Variants in TENM3 observed in about 807,000 individuals in gnomAD.
TENM3 encodes teneurin-3.
In TENM3, 63 loss-of-function variants were observed where a neutral mutation model predicts 255.1. The ratio of observed to expected loss-of-function variants is 0.25; its 90% CI spans 0.20 to 0.30. The LOEUF (loss-of-function observed/expected upper bound fraction) is 0.30, where lower values mean the gene tolerates loss of function less well. Among genes scored for constraint, TENM3 ranks in the 10% least tolerant of loss-of-function variants. The probability of loss-of-function intolerance (pLI) is 1.00; values close to 1 mark genes in which losing one functional copy is unlikely to be tolerated. For missense variants in TENM3, 2,929 were observed against 3,461.1 expected (o/e 0.85, Z 3.86); for synonymous variants, 1,306 against 1,322.3 (o/e 0.99, Z 0.27).
the TENM3 span, among the ~76,000 whole-genome samples, chr4:181,896,802 C>A: frequency 6.6e-6 from 1 of 152,226 alleles, no homozygotes; most frequent in African/African-American, 2.4e-5. Flanking sequence ...TGCCCAGATG[C>A]TCCAGCTGTT....
the TENM3 span, among the ~76,000 whole-genome samples, chr4:181,701,400 A>T: frequency 4.6e-5 from 7 of 152,248 alleles, no homozygotes; most frequent in African/African-American, 1.7e-4. Flanking sequence ...TCAGAGATAC[A>T]TCATGCATAA....
the TENM3 span, among the ~76,000 whole-genome samples, chr4:181,626,853 G>A: frequency 1.3e-5 from 2 of 152,176 alleles, no homozygotes; most frequent in African/African-American, 4.8e-5. Context: ...TTTAAAGATC[G>A]CTCTAAGTGT....
the TENM3 span, among the ~76,000 whole-genome samples, chr4:181,855,273 G>C: frequency 6.6e-6 from 1 of 152,134 alleles, no homozygotes; most frequent in Non-Finnish European, 1.5e-5. Flanking sequence ...TAATTTTATA[G>C]TTCTACTTTC....
the TENM3 span, among the ~76,000 whole-genome samples, chr4:182,009,785 G>A: frequency 9.0e-4 from 137 of 152,324 alleles, no homozygotes; most frequent in Non-Finnish European, 1.5e-3. Context: ...CAGCTGAGAG[G>A]CTGTAAAAAT....
the TENM3 span, among the ~76,000 whole-genome samples, chr4:181,733,914 CT>C: frequency 6.6e-6 from 1 of 152,118 alleles, no homozygotes; most frequent in Non-Finnish European, 1.5e-5. Flanking sequence ...TGACTCAAAT[CT>C]TTGAAAGAAA....
At chr4:181,534,301 G>A in the TENM3 span, among the ~76,000 whole-genome samples, 1 of 151,884 alleles carries the variant, frequency 6.6e-6, no homozygotes, top group Non-Finnish European at 1.5e-5. Flanking sequence ...TTCTAAATTG[G>A]TATAGAACAT....
At chr4:182,535,484 C>T (rs1343220944) in intron 3 of TENM3, among the ~76,000 whole-genome samples, 1 of 152,006 alleles carries the variant, frequency 6.6e-6, no homozygotes, top group African/African-American at 2.4e-5. Context: ...CCTGTCATCC[C>T]AGTGATTTGC....
chr4:181,562,546 G>A, the TENM3 span, among the ~76,000 whole-genome samples: 2 of 152,014 alleles, frequency 1.3e-5, no homozygotes, highest in Non-Finnish European at 1.5e-5. Context: ...TTTCCATCAT[G>A]TTGCTTCTCT....
At chr4:181,951,116 G>A in the TENM3 span, among the ~76,000 whole-genome samples, 1 of 152,142 alleles carries the variant, frequency 6.6e-6, no homozygotes, top group Non-Finnish European at 1.5e-5. Flanking sequence ...ATCTTAATTT[G>A]GATAATGTTA....
intron 1 of TENM3, among the ~76,000 whole-genome samples, chr4:182,198,059 C>A (rs950101272): frequency 6.6e-6 from 1 of 152,072 alleles, no homozygotes; most frequent in African/African-American, 2.4e-5. Flanking sequence ...GAGCCAAGAT[C>A]ACACCACTGT....
At chr4:182,771,650 T>G (rs1178992505) in intron 22 of TENM3, among the ~76,000 whole-genome samples, 1 of 152,142 alleles carries the variant, frequency 6.6e-6, no homozygotes, top group Non-Finnish European at 1.5e-5. Context: ...ACGACAGAAC[T>G]TTAGGCTGGT....
chr4:182,473,136 T>C (rs1733294507), intron 3 of TENM3, among the ~76,000 whole-genome samples: 1 of 152,210 alleles, frequency 6.6e-6, no homozygotes, highest in Non-Finnish European at 1.5e-5. Context: ...TCCTGGAATA[T>C]TTTAATATAA....
chr4:181,888,504 ATATATATATATG>A, the TENM3 span, among the ~76,000 whole-genome samples: 10 of 23,420 alleles, frequency 4.3e-4, 1 homozygote, highest in South Asian at 0.014. Context: ...GTATATATAT[ATATATATATATG>A]TATATATATA....
At position 182,612,592 on chromosome 4, in the gene TENM3, T is replaced by G. The variant is rs555719706; in HGVS notation, c.749+11431T>G. On this transcript the variant is annotated intron_variant, in intron 4 of 27. Coordinates refer to ENST00000511685, the MANE Select transcript of TENM3 (RefSeq NM_001080477.4). The stretch of plus-strand genomic sequence containing the variant: ...TGAATACCTTCTTATCTCACTGGTT[T>G]GTTTTGCATATGAGTTAAAATGCGT... Among the ~76,000 whole-genome samples, 148 of 152,346 alleles carry G rather than the reference T, an allele frequency of 9.7e-4. 1 individual carries two copies. Among genetic ancestry groups the G allele is most frequent in the African/African-American group, 3.4e-3 (143 of 41,584 alleles).
At chr4:182,336,328 A>G (rs1764134103) in intron 2 of TENM3, among the ~76,000 whole-genome samples, 1 of 149,732 alleles carries the variant, frequency 6.7e-6, no homozygotes, top group Non-Finnish European at 1.5e-5. Context: ...TAGTTTTTGA[A>G]GTTCTGGCTT....
the TENM3 span, among the ~76,000 whole-genome samples, chr4:181,533,972 T>C: frequency 6.6e-6 from 1 of 152,208 alleles, no homozygotes; most frequent in Non-Finnish European, 1.5e-5. Flanking sequence ...ATTAATGCAA[T>C]TGGATCTCAG....
chr4:182,170,553 C>T (rs958957509), intron 1 of TENM3, among the ~76,000 whole-genome samples: 14 of 151,792 alleles, frequency 9.2e-5, no homozygotes, highest in Admixed American at 9.2e-4. Flanking sequence ...TATAGTTGTG[C>T]CCTGTGTTAA....
At chr4:181,802,396 T>A in the TENM3 span, among the ~76,000 whole-genome samples, 1 of 152,218 alleles carries the variant, frequency 6.6e-6, no homozygotes, top group Non-Finnish European at 1.5e-5. Context: ...AAACGTGTTG[T>A]GTTCATAGAA....
chr4:182,330,427 C>G (rs575161497), intron 2 of TENM3, among the ~76,000 whole-genome samples: 2 of 152,166 alleles, frequency 1.3e-5, no homozygotes. Context: ...TTCAGAGATA[C>G]GGCTGTTGCT....
Sources: allele counts gnomAD v4.1 joint callset (sites outside exome capture counted in the v4.1 genomes callset), GRCh38; gene constraint gnomAD v4.1.1; transcripts MANE v1.5; gene names NCBI Gene and HGNC (gene_info 2026-07-23, HGNC 2026-07-21).